NOP14: variants seen among roughly 807,000 people sequenced by gnomAD.
The protein encoded by NOP14 is nucleolar protein 14.
In NOP14, 57 loss-of-function variants were observed where a neutral mutation model predicts 101.6. That is an observed-to-expected ratio of 0.56 (90% CI 0.45 to 0.70). The LOEUF (loss-of-function observed/expected upper bound fraction) is 0.70. Among genes scored for constraint, NOP14 ranks in the 30% least tolerant of loss-of-function variants. NOP14 has a pLI of 0.00. For missense variants in NOP14, 1,134 were observed against 1,075.5 expected (o/e 1.05, Z -0.76); for synonymous variants, 428 against 424.0 (o/e 1.01, Z -0.12).
rs1266316441 is a variant in NOP14, at chr4:2,951,108, T to C, written c.1002+6A>G. On this transcript the variant is annotated splice_donor_region_variant and intron_variant, in intron 7 of 17. Transcript: ENST00000416614. The stretch of plus-strand genomic sequence containing the variant: ...GAGAAAGAGAAAATGAAGGCAAACA[T>C]CTTACTTTGTAGGAAAGCAAACGCC... 2.5e-6 allele frequency: 4 copies of C among 1,599,290 alleles called. No homozygotes were observed. The highest frequency in any genetic ancestry group is 2.2e-5 in the East Asian group (1 of 44,690).
chr4:2,944,002 A>G (rs1714422834), intron 13 of NOP14, 71 bp downstream of exon 13: 4 of 1,260,124 alleles, frequency 3.2e-6, no homozygotes, highest in Non-Finnish European at 4.5e-6. Flanking sequence ...ACTTTCTACA[A>G]TGAGTATGAA....
chr4:2,942,849 GA>G (rs1318562361), intron 13 of NOP14, among the ~76,000 whole-genome samples: 2 of 150,596 alleles, frequency 1.3e-5, no homozygotes, highest in African/African-American at 4.9e-5. Flanking sequence ...TAGGACGCAG[GA>G]GTCAATTCAC....
rs554277714 is a variant in NOP14, at chr4:2,943,432, C to G, written c.1891+641G>C. Among the ~76,000 whole-genome samples, 14 of 152,332 alleles carry G rather than the reference C, an allele frequency of 9.2e-5. No individual in the cohort carries two copies. The East Asian group carries it at 2.7e-3, about 29-fold the overall frequency. On this transcript the variant is annotated intron_variant, in intron 13 of 17. Transcript: ENST00000416614. Reference sequence around the variant, plus strand: ...GAAGAGGCTGTGCAGCTCCTCACCCCCCAGAGGGAAGCAGCAAGTGCTGAG... The same window carrying G: ...GAAGAGGCTGTGCAGCTCCTCACCCGCCAGAGGGAAGCAGCAAGTGCTGAG...
intron 1 of NOP14, among the ~76,000 whole-genome samples, chr4:2,959,037 G>T (rs1203993001): frequency 6.6e-6 from 1 of 152,076 alleles, no homozygotes; most frequent in Non-Finnish European, 1.5e-5. Context: ...AGGAGAAAAG[G>T]ATGTGAAAAA....
intron 14 of NOP14, chr4:2,941,986 T>G: frequency 1.6e-6 from 1 of 641,982 alleles, no homozygotes; most frequent in South Asian, 2.2e-5. Context: ...AAATTATGAT[T>G]TGTGAAATCA....
At chr4:2,948,447 A>T (rs1284841255) in intron 8 of NOP14, 39 bp from the exon 9 acceptor site, 1 of 1,409,540 alleles carries the variant, frequency 7.1e-7, no homozygotes, top group South Asian at 1.4e-5. Flanking sequence ...TTTAACATTT[A>T]TATATATGTA....
chr4:2,952,770 C>T (rs546592679), intron 5 of NOP14, among the ~76,000 whole-genome samples: 1 of 152,176 alleles, frequency 6.6e-6, no homozygotes, highest in African/African-American at 2.4e-5. Context: ...TGGTGAAACC[C>T]TGTCTTTACT....
chr4:2,961,081 A>G (rs1381973029), intron 1 of NOP14, among the ~76,000 whole-genome samples: 1 of 113,632 alleles, frequency 8.8e-6, no homozygotes, highest in Non-Finnish European at 1.6e-5. Flanking sequence ...ATACTATATT[A>G]ATATTATAAT....
rs748618485 is a variant in NOP14 at position 2,939,183 on chromosome 4, C to CT, written c.2474+4dup. 6.2e-7 allele frequency: 1 copy of CT among 1,613,898 alleles called. No homozygotes were observed. Among genetic ancestry groups the CT allele is most frequent in the South Asian group, 1.1e-5 (1 of 91,086 alleles). On this transcript the variant is annotated splice_donor_region_variant and intron_variant, in intron 17 of 17. Transcript: ENST00000416614. Reference sequence around the variant, plus strand: ...AATCGTGTCGCACACACACGTCCCCCTCACCGTTCCATGATTTCTGAGAGT... The same window carrying CT: ...AATCGTGTCGCACACACACGTCCCCCTTCACCGTTCCATGATTTCTGAGAGT...
At chr4:2,953,675 A>G (rs201573702) in intron 4 of NOP14, 30 bp from the exon 5 acceptor site, 128 of 1,613,092 alleles carry the variant, frequency 7.9e-5, no homozygotes, top group Middle Eastern at 1.6e-4. Flanking sequence ...CACACACCAC[A>G]TACCGTTACT....
chr4:2,949,850 C>T, intron 8 of NOP14, 84 bp downstream of exon 8: 2 of 1,518,566 alleles, frequency 1.3e-6, no homozygotes, highest in Non-Finnish European at 1.8e-6. Context: ...AAATGCAACC[C>T]CTGGGAGGGA....
At chr4:2,943,164 C>A (rs376267203) in intron 13 of NOP14, among the ~76,000 whole-genome samples, 2 of 152,234 alleles carry the variant, frequency 1.3e-5, no homozygotes, top group South Asian at 4.1e-4. Flanking sequence ...AGACAGGAGC[C>A]TTGGGAGGCA....
In NOP14 at chr4:2,963,164, C is replaced by T. The variant is rs370167170; in HGVS notation, c.156G>A (p.Val52=). The T allele has an allele frequency of 6.3e-7, 1 of 1,579,214 alleles. No homozygotes were observed. Among genetic ancestry groups the T allele is most frequent in the South Asian group, 1.1e-5 (1 of 88,060 alleles). ...QILGRKTRHD[V]GLPGVSRARA... The stretch of plus-strand genomic sequence containing the variant: ...GTGCGCGAGACACCCCGGGCAGTCC[C>T]ACGTCGTGGCGCGTCTTCCGGCCCA... The change falls in exon 1 of 18, where the codon GTG becomes GTA. Residue 52 remains valine, a synonymous_variant. Transcript: ENST00000416614.
At chr4:2,945,291 C>T (rs1037386015) in intron 11 of NOP14, 62 bp from the exon 12 acceptor site, 5 of 1,217,858 alleles carry the variant, frequency 4.1e-6, no homozygotes, top group Non-Finnish European at 4.7e-6. Flanking sequence ...TATGCCCTCC[C>T]CGCAAACACT....
At chr4:2,957,779 T>G (rs1715451630) in intron 1 of NOP14, 39 bp from the exon 2 acceptor site, 1 of 1,606,980 alleles carries the variant, frequency 6.2e-7, no homozygotes, top group African/African-American at 1.3e-5. Context: ...AAAAAATTCT[T>G]GTGATTTCCA....
chr4:2,945,268 T>A (rs775459771), intron 11 of NOP14, 39 bp from the exon 12 acceptor site: 1 of 1,478,536 alleles, frequency 6.8e-7, no homozygotes, highest in South Asian at 1.2e-5. Flanking sequence ...AGAAGGTAAA[T>A]GAAGTCCATC....
Position 2,938,078 on chromosome 4 carries a change from G to T in NOP14, c.*753C>A. The T allele has an allele frequency of 1.5e-6, 1 of 686,276 alleles. No homozygotes were observed. Among genetic ancestry groups the T allele is most frequent in the Non-Finnish European group, 2.1e-6 (1 of 475,660 alleles). The allele number at this position is 686,276 out of a possible 1,614,324, so 42.5% of individuals were successfully genotyped here. A position where few individuals can be genotyped will look rare whatever the true frequency, so the allele number is the denominator to read the frequency against. On this transcript the variant is annotated 3_prime_UTR_variant, in exon 18 of 18. Transcript: ENST00000416614. The stretch of plus-strand genomic sequence containing the variant: ...GTCCAGACGCAGTGAACCAGTCGCA[G>T]CTGATAACACACAGACCATTCCCGA...
At chr4:2,959,179 G>A (rs1577851909) in intron 1 of NOP14, among the ~76,000 whole-genome samples, 1 of 152,188 alleles carries the variant, frequency 6.6e-6, no homozygotes, top group East Asian at 1.9e-4. Flanking sequence ...GGCAATTTTC[G>A]TCATTTTCTT....
At position 2,949,930 on chromosome 4, in the gene NOP14, C is replaced by A. The variant is rs1432962670; in HGVS notation, c.1282+4G>T. The A allele has an allele frequency of 6.2e-7, 1 of 1,613,982 alleles. No individual in the cohort carries two copies. The highest frequency in any genetic ancestry group is 1.1e-5 in the South Asian group (1 of 91,078). ...AACCTGAGGAAACCCGCGCACTTGC[C>A]CACCTGCGAACGTGTAGGGCAGCTC... On this transcript the variant is annotated splice_donor_region_variant and intron_variant, in intron 8 of 17. Transcript: ENST00000416614.
Sources: allele counts gnomAD v4.1 joint callset (sites outside exome capture counted in the v4.1 genomes callset), GRCh38; gene constraint gnomAD v4.1.1; transcripts MANE v1.5; gene names NCBI Gene and HGNC (gene_info 2026-07-23, HGNC 2026-07-21).